Variants in ATOSA observed in about 807,000 individuals in gnomAD.
ATOSA encodes atos homolog protein A.
chr15:52,581,941 T>G, the ATOSA span: 1 of 404,062 alleles, frequency 2.5e-6, no homozygotes, highest in Non-Finnish European at 4.3e-6. Flanking sequence ...TCCAATGAAG[T>G]GGTTTCAACA....
At chr15:52,658,419 C>A in the ATOSA span, 1 of 233,894 alleles carries the variant, frequency 4.3e-6, no homozygotes, top group Non-Finnish European at 8.1e-6. Context: ...GTTTTCAATG[C>A]AATTTCAGTT....
chr15:52,624,630 CTATAGT>C, the ATOSA span, among the ~76,000 whole-genome samples: 2 of 152,188 alleles, frequency 1.3e-5, no homozygotes, highest in Non-Finnish European at 2.9e-5. Context: ...TTTGACAGCT[CTATAGT>C]TATATCAACC....
At chr15:52,613,661 C>G in the ATOSA span, 2 of 1,612,014 alleles carry the variant, frequency 1.2e-6, no homozygotes, top group South Asian at 1.1e-5. Context: ...GCATTCAACA[C>G]AAGATTCTCA....
chr15:52,611,680 T>C, the ATOSA span: 1 of 1,614,024 alleles, frequency 6.2e-7, no homozygotes, highest in Non-Finnish European at 8.5e-7. Flanking sequence ...ATCATCGCTG[T>C]AGCAGCAGTC....
chr15:52,686,967 C>A, the ATOSA span, among the ~76,000 whole-genome samples: 12 of 152,176 alleles, frequency 7.9e-5, no homozygotes, highest in African/African-American at 2.9e-4. Flanking sequence ...AATGTCATTT[C>A]TGTATAATAT....
chr15:52,614,965 T>C, the ATOSA span, among the ~76,000 whole-genome samples: 1 of 152,242 alleles, frequency 6.6e-6, no homozygotes, highest in African/African-American at 2.4e-5. Flanking sequence ...GATGTTCTAT[T>C]GCTATTATTT....
At chr15:52,608,578 G>T in the ATOSA span, 1 of 1,572,572 alleles carries the variant, frequency 6.4e-7, no homozygotes, top group East Asian at 2.3e-5. Flanking sequence ...CAATACCTCT[G>T]TATTTTTTGG....
chr15:52,636,051 A>C, the ATOSA span, among the ~76,000 whole-genome samples: 18 of 147,432 alleles, frequency 1.2e-4, no homozygotes, highest in African/African-American at 3.9e-4. Context: ...ATTATTAATA[A>C]ATTTATTAAA....
the ATOSA span, among the ~76,000 whole-genome samples, chr15:52,671,505 G>T: frequency 2.0e-5 from 3 of 152,056 alleles, no homozygotes; most frequent in South Asian, 6.2e-4. Flanking sequence ...CTAAATGATG[G>T]GAATACAGGT....
At chr15:52,611,332 T>G in the ATOSA span, 1 of 1,537,432 alleles carries the variant, frequency 6.5e-7, no homozygotes, top group South Asian at 1.2e-5. Context: ...GAAGCTGAGA[T>G]CCATAAACTT....
At chr15:52,610,638 A>T in the ATOSA span, among the ~76,000 whole-genome samples, 1 of 152,250 alleles carries the variant, frequency 6.6e-6, no homozygotes, top group Non-Finnish European at 1.5e-5. Context: ...CAAGAATATT[A>T]TAACTTAAAA....
chr15:52,586,576 T>C, the ATOSA span: 1 of 152,380 alleles, frequency 6.6e-6, no homozygotes, highest in East Asian at 1.9e-4. Flanking sequence ...TATCAGATTA[T>C]TCTTCTGAGA....
At chr15:52,581,992 G>A in the ATOSA span, 2 of 561,202 alleles carry the variant, frequency 3.6e-6, no homozygotes, top group African/African-American at 2.0e-5. Context: ...CAGTCTACAT[G>A]GAATATATGG....
chr15:52,693,644 G>A, the ATOSA span, among the ~76,000 whole-genome samples: 7 of 152,200 alleles, frequency 4.6e-5, no homozygotes, highest in South Asian at 1.5e-3. Flanking sequence ...TGACATAAAA[G>A]AAGATCTAAA....
the ATOSA span, among the ~76,000 whole-genome samples, chr15:52,589,355 A>C: frequency 6.6e-6 from 1 of 152,232 alleles, no homozygotes; most frequent in Admixed American, 6.5e-5. Context: ...ATATACCTAA[A>C]TAATAGCTAT....
the ATOSA span, chr15:52,581,899 A>T: frequency 8.8e-6 from 3 of 340,876 alleles, no homozygotes; most frequent in Non-Finnish European, 1.6e-5. Flanking sequence ...TGTAAACACT[A>T]ATCTAACTGG....
chr15:52,608,631 A>T, the ATOSA span: 4 of 1,609,260 alleles, frequency 2.5e-6, no homozygotes, highest in Non-Finnish European at 3.4e-6. Flanking sequence ...TTCTTCTCTG[A>T]GAATAGTTTT....
the ATOSA span, among the ~76,000 whole-genome samples, chr15:52,635,813 C>A: frequency 6.6e-6 from 1 of 151,924 alleles, no homozygotes; most frequent in African/African-American, 2.4e-5. Flanking sequence ...CTGGCCAACA[C>A]GGTGAAACCC....
the ATOSA span, among the ~76,000 whole-genome samples, chr15:52,682,868 G>C: frequency 4.6e-5 from 7 of 152,294 alleles, no homozygotes; most frequent in East Asian, 1.3e-3. Flanking sequence ...ATTTCTAAGA[G>C]AGAAAGATCA....
Sources: gnomAD v4.1 joint callset for allele counts (sites outside exome capture counted in the v4.1 genomes callset) on GRCh38, gnomAD v4.1.1 for gene constraint, MANE v1.5 for transcripts, NCBI Gene and HGNC (gene_info 2026-07-23, HGNC 2026-07-21) for gene names.